DUS2: variants seen among roughly 807,000 people sequenced by gnomAD.
DUS2 encodes the protein dihydrouridine synthase 2.
DUS2 carries 52 observed loss-of-function variants against 71.3 expected under a neutral mutation model. The observed-to-expected ratio is 0.73, with a 90% CI of 0.58 to 0.92. DUS2 has a LOEUF of 0.92. Among genes scored for constraint, DUS2 ranks in the 40% least tolerant of loss-of-function variants. DUS2 has a pLI of 0.00. For missense variants in DUS2, 558 were observed against 622.6 expected (o/e 0.90, Z 1.10); for synonymous variants, 204 against 227.8 (o/e 0.90, Z 0.94).
chr16:68,035,992 A>G (rs1397547802), intron 2 of DUS2, among the ~76,000 whole-genome samples: 1 of 135,250 alleles, frequency 7.4e-6, no homozygotes, highest in African/African-American at 3.1e-5. Context: ...TATATATATT[A>G]TTTTTATTTT....
intron 8 of DUS2, among the ~76,000 whole-genome samples, chr16:68,063,383 G>A (rs2033966067): frequency 6.6e-6 from 1 of 152,200 alleles, no homozygotes; most frequent in Non-Finnish European, 1.5e-5. Context: ...GGTTCCATCT[G>A]TGGGAGTATC....
intron 13 of DUS2, among the ~76,000 whole-genome samples, chr16:68,075,009 A>G (rs1163787304): frequency 2.0e-5 from 3 of 152,088 alleles, no homozygotes; most frequent in Non-Finnish European, 2.9e-5. Context: ...CCATGGGCCC[A>G]TGTGCTTGAT....
At chr16:68,035,707 T>A (rs1179214263) in intron 2 of DUS2, among the ~76,000 whole-genome samples, 2 of 145,506 alleles carry the variant, frequency 1.4e-5, no homozygotes, top group Non-Finnish European at 3.0e-5. Flanking sequence ...TCATTCTATG[T>A]GGTTTTTTTT....
intron 8 of DUS2, among the ~76,000 whole-genome samples, chr16:68,065,404 ATGGGCTAGGTGCAGTGG>A (rs2033992057): frequency 6.8e-6 from 1 of 146,402 alleles, no homozygotes; most frequent in South Asian, 2.4e-4. Context: ...AGAAACAGGG[ATGGGCTAGGTGCAGTGG>A]CTCAAGCCTG....
intron 10 of DUS2, among the ~76,000 whole-genome samples, chr16:68,067,062 CCCTT>C (rs1172826679): frequency 3.0e-4 from 29 of 97,716 alleles, no homozygotes; most frequent in South Asian, 4.3e-4. Flanking sequence ...CTCCCTCCCT[CCCTT>C]CCTTCCTTCC....
At chr16:68,039,345 G>A (rs1205329192) in intron 3 of DUS2, among the ~76,000 whole-genome samples, 6 of 152,034 alleles carry the variant, frequency 3.9e-5, no homozygotes, top group Admixed American at 3.9e-4. Flanking sequence ...TCATGCCTGT[G>A]GGGGGCTAGG....
chr16:68,048,794 G>A (rs1386502769), intron 3 of DUS2, among the ~76,000 whole-genome samples: 1 of 152,118 alleles, frequency 6.6e-6, no homozygotes, highest in Non-Finnish European at 1.5e-5. Context: ...GAATCCATGG[G>A]CATGAACTTC....
chr16:68,032,445 T>C (rs541291936), intron 2 of DUS2, among the ~76,000 whole-genome samples: 1 of 152,178 alleles, frequency 6.6e-6, no homozygotes, highest in Non-Finnish European at 1.5e-5. Flanking sequence ...GCAGTCAGTG[T>C]GGACACATGG....
chr16:68,039,059 G>C lies in DUS2; in HGVS notation c.126+910G>C, dbSNP rs1016592138. ...ACCAAAAAATAAAAATATAAAAAAT[G>C]TACAAAAGAAAAAGAAAACCACTAT... is the stretch of plus-strand genomic sequence containing the variant. On this transcript the variant is annotated intron_variant, in intron 3 of 16. Coordinates refer to ENST00000565263, the MANE Select transcript of DUS2 (RefSeq NM_017803.5). Among the ~76,000 whole-genome samples the C allele has an allele frequency of 2.6e-5, 4 of 151,844 alleles. No homozygotes were observed. In the South Asian group the frequency reaches 8.3e-4, roughly 32 times the overall value.
chr16:68,035,961 T>C lies in DUS2; in HGVS notation c.-18-2045T>C, dbSNP rs1428709323. Among the ~76,000 whole-genome samples, 32 of 138,772 alleles carry C rather than the reference T, an allele frequency of 2.3e-4. No individual in the cohort carries two copies. In the Admixed American group the frequency reaches 2.3e-3, roughly 10 times the overall value. 91.0% of individuals were successfully genotyped at this position (138,772 alleles called of 152,430 possible). On this transcript the variant is annotated intron_variant, in intron 2 of 16. Transcript: ENST00000565263. The stretch of plus-strand genomic sequence containing the variant: ...ATACATACACATATATATACACACA[T>C]ATGTTATATATATATATACATATAT...
chr16:68,054,482 T>G, intron 5 of DUS2, 92 bp from the exon 6 acceptor site: 1 of 1,317,816 alleles, frequency 7.6e-7, no homozygotes, highest in Non-Finnish European at 1.1e-6. Flanking sequence ...GTGTGGGGTG[T>G]GTGTGTGTAT....
At chr16:68,075,635 C>T (rs1055395890) in intron 14 of DUS2, 131 bp downstream of exon 14, 38 of 972,172 alleles carry the variant, frequency 3.9e-5, no homozygotes, top group Non-Finnish European at 5.1e-5. Flanking sequence ...TTTGGAAACT[C>T]GTTCTAAATT....
intron 2 of DUS2, among the ~76,000 whole-genome samples, chr16:68,029,409 A>G (rs953824569): frequency 6.6e-6 from 1 of 151,712 alleles, no homozygotes; most frequent in South Asian, 2.1e-4. Flanking sequence ...TCCCAGTGTT[A>G]GGATTACAGG....
Position 68,074,146 on chromosome 16 carries a change from G to A in DUS2, c.923G>A (p.Arg308Gln), listed in dbSNP as rs773568892. The change falls in exon 13 of 17, where the codon CGG becomes CAG. Residue 308 changes from arginine to glutamine, a missense_variant. Transcript: ENST00000565263. ...TTGCTCCATGCTGCCCAGTCTTCCC[G>A]GGAAATTTGGTAAGAGGCACAATAA... ...GRLLHAAQSS[R>Q]EICEAFGLGA... 9.3e-6 allele frequency: 15 copies of A among 1,613,912 alleles called. No homozygotes were observed. Among genetic ancestry groups the A allele is most frequent in the Admixed American group, 3.3e-5 (2 of 59,996 alleles).
chr16:68,036,067 G>A (rs150733228), intron 2 of DUS2, among the ~76,000 whole-genome samples: 4,830 of 150,390 alleles, frequency 0.032, 99 homozygotes, highest in Non-Finnish European at 0.053. Flanking sequence ...CGCGATCTTG[G>A]CTTATTGCAA....
At chr16:68,078,345 T>A in intron 15 of DUS2, 100 bp from the exon 16 acceptor site, 6 of 1,164,410 alleles carry the variant, frequency 5.2e-6, no homozygotes, top group Non-Finnish European at 7.7e-6. Context: ...TTGACTTAGG[T>A]TGGAAACACT....
intron 3 of DUS2, among the ~76,000 whole-genome samples, chr16:68,047,401 C>G (rs2033719515): frequency 6.6e-6 from 1 of 152,020 alleles, no homozygotes; most frequent in Non-Finnish European, 1.5e-5. Context: ...TTTTTTTCCA[C>G]TGGTAGTCTA....
chr16:68,075,450 G>C lies in DUS2; in HGVS notation c.1028G>C (p.Gly343Ala). Residue 343 changes from glycine (G) to alanine (A), a missense_variant, in exon 14 of 17, where the codon GGG (glycine) becomes GCG (alanine). Transcript: ENST00000565263. ...TCAGCCAAGACTTCAGAGCAGACAGGGGAGCCAGCTGAAGATACCTCTGGT... is the reference window on the plus strand; with the variant it reads ...TCAGCCAAGACTTCAGAGCAGACAGCGGAGCCAGCTGAAGATACCTCTGGT... ...RLSAKTSEQT[G>A]EPAEDTSGVI... The C allele has an allele frequency of 6.2e-7, 1 of 1,613,948 alleles. No homozygotes were observed. The highest frequency in any genetic ancestry group is 8.5e-7 in the Non-Finnish European group (1 of 1,179,910).
At chr16:68,077,550 C>T (rs966894472) in intron 15 of DUS2, 1 of 152,022 alleles carries the variant, frequency 6.6e-6, no homozygotes, top group Non-Finnish European at 1.5e-5. Context: ...CCACACCTGG[C>T]TAACTTTTTT....
Sources: gnomAD v4.1 joint callset for allele counts (sites outside exome capture counted in the v4.1 genomes callset) on GRCh38, gnomAD v4.1.1 for gene constraint, MANE v1.5 for transcripts, NCBI Gene and HGNC (gene_info 2026-07-23, HGNC 2026-07-21) for gene names.